ITGAV: variants seen among roughly 807,000 people sequenced by gnomAD.
The protein encoded by ITGAV is integrin alpha-V.
ITGAV carries 76 observed loss-of-function variants against 143.8 expected under a neutral mutation model. That is an observed-to-expected ratio of 0.53 (90% CI 0.44 to 0.64). The LOEUF (loss-of-function observed/expected upper bound fraction) is 0.64. Among genes scored for constraint, ITGAV ranks in the 30% least tolerant of loss-of-function variants. The pLI is 0.00. For missense variants in ITGAV, 1,193 were observed against 1,274.7 expected (o/e 0.94, Z 0.98); for synonymous variants, 453 against 446.7 (o/e 1.01, Z -0.18).
chr2:186,657,377 C>T (rs1248620624), intron 17 of ITGAV, among the ~76,000 whole-genome samples: 1 of 152,090 alleles, frequency 6.6e-6, no homozygotes, highest in Non-Finnish European at 1.5e-5. Context: ...GAAGTCTAAA[C>T]AAATTTCAAA....
chr2:186,642,497 C>T (rs555880114), intron 12 of ITGAV, among the ~76,000 whole-genome samples: 3 of 151,372 alleles, frequency 2.0e-5, no homozygotes, highest in East Asian at 1.9e-4. Flanking sequence ...GAAGATTAAC[C>T]GTAGTCATTT....
At chr2:186,648,526 G>A (rs1203151356) in intron 13 of ITGAV, among the ~76,000 whole-genome samples, 7 of 152,230 alleles carry the variant, frequency 4.6e-5, no homozygotes, top group Admixed American at 2.0e-4. Flanking sequence ...GTGCAGTGGC[G>A]TGATCTCAGC....
At chr2:186,601,216 G>A (rs1390712760) in intron 1 of ITGAV, among the ~76,000 whole-genome samples, 1 of 151,836 alleles carries the variant, frequency 6.6e-6, no homozygotes, top group Non-Finnish European at 1.5e-5. Flanking sequence ...TTAATCTTGT[G>A]ATAAGAAATT....
At chr2:186,613,992 G>C (rs1035963724) in intron 2 of ITGAV, among the ~76,000 whole-genome samples, 8 of 152,048 alleles carry the variant, frequency 5.3e-5, no homozygotes, top group South Asian at 2.1e-4. Context: ...AGAAAGAAGA[G>C]CTTGTGTGAT....
chr2:186,627,872 G>A lies in ITGAV; in HGVS notation c.523+2285G>A, dbSNP rs189486444. Among the ~76,000 whole-genome samples the A allele has an allele frequency of 2.0e-5, 3 of 152,244 alleles. No individual in the cohort carries two copies. In the East Asian group the frequency reaches 5.8e-4, roughly 29 times the overall value. ...CAAAAAACAGAAAAGCAAAGTGCAT[G>A]CCTTTGTTTCTAATAGGCCTGACAC... On this transcript the variant is annotated intron_variant, in intron 4 of 29. Transcript: ENST00000261023.
intron 5 of ITGAV, among the ~76,000 whole-genome samples, chr2:186,631,972 A>G (rs890243221): frequency 6.6e-6 from 1 of 152,208 alleles, no homozygotes. Flanking sequence ...GGCTGCATTG[A>G]GCCATGTTCA....
chr2:186,611,627 T>C (rs755746757), intron 2 of ITGAV, among the ~76,000 whole-genome samples: 9 of 152,208 alleles, frequency 5.9e-5, no homozygotes, highest in Non-Finnish European at 1.2e-4. Flanking sequence ...TTATAAAGAA[T>C]GCAAACTAGA....
chr2:186,655,746 T>A (rs1688564849), intron 16 of ITGAV, among the ~76,000 whole-genome samples: 1 of 152,232 alleles, frequency 6.6e-6, no homozygotes, highest in African/African-American at 2.4e-5. Flanking sequence ...TGAAGGCATA[T>A]TCATCTGACA....
At chr2:186,643,659 T>C (rs2105714608) in intron 12 of ITGAV, among the ~76,000 whole-genome samples, 1 of 152,212 alleles carries the variant, frequency 6.6e-6, no homozygotes, top group Non-Finnish European at 1.5e-5. Flanking sequence ...GTTCCAAAAT[T>C]TTATATAGCC....
At chr2:186,668,563 A>G (rs1688978453) in intron 24 of ITGAV, 199 bp from the exon 25 acceptor site, 3 of 513,264 alleles carry the variant, frequency 5.8e-6, no homozygotes, top group Non-Finnish European at 1.0e-5. Flanking sequence ...ATCCTGACAC[A>G]TATTACTCTG....
At position 186,665,178 on chromosome 2, in the gene ITGAV, T is replaced by C; in HGVS notation, c.2126T>C (p.Val709Ala). Residue 709 changes from valine (V) to alanine (A), a missense_variant, in exon 21 of 30, where the codon GTG (valine) becomes GCG (alanine). By Grantham distance (64) the Val-to-Ala change is moderately conservative (BLOSUM62 0). Transcript: ENST00000261023. ...AAGACAGAAAACCAAACTCGCCAGGTGGTATGTGACCTTGGAAACCCAATG... is the reference window on the plus strand; with the variant it reads ...AAGACAGAAAACCAAACTCGCCAGGCGGTATGTGACCTTGGAAACCCAATG... The part of the protein sequence containing the change: ...AFKTENQTRQ[V>A]VCDLGNPMKA... The C allele has an allele frequency of 6.2e-7, 1 of 1,612,192 alleles. No homozygotes were observed. Among genetic ancestry groups the C allele is most frequent in the Non-Finnish European group, 8.5e-7 (1 of 1,179,522 alleles).
intron 2 of ITGAV, among the ~76,000 whole-genome samples, chr2:186,609,156 C>A (rs1160945345): frequency 1.3e-5 from 2 of 152,078 alleles, no homozygotes; most frequent in African/African-American, 4.8e-5. Context: ...GTGCCTTTTT[C>A]TCCTTTTGAC....
At chr2:186,627,056 A>C (rs1574475814) in intron 4 of ITGAV, among the ~76,000 whole-genome samples, 1 of 152,258 alleles carries the variant, frequency 6.6e-6, no homozygotes, top group East Asian at 1.9e-4. Context: ...GTACACTCTT[A>C]TTTTCATTTG....
chr2:186,677,396 T>C lies in ITGAV; in HGVS notation c.*104T>C, dbSNP rs1689245482. ...GAGTAAAAATCCAAGGCTTTACTGCTGATAGTGCTAATTGGCATTAACCAC... is the reference window on the plus strand; with the variant it reads ...GAGTAAAAATCCAAGGCTTTACTGCCGATAGTGCTAATTGGCATTAACCAC... On this transcript the variant is annotated 3_prime_UTR_variant, in exon 30 of 30. Transcript: ENST00000261023. The C allele has an allele frequency of 2.7e-5, 21 of 791,234 alleles. No individual in the cohort carries two copies. In the South Asian group the frequency reaches 3.2e-4, roughly 12 times the overall value. The allele number at this position is 791,234 out of a possible 1,614,324, so 49.0% of individuals were successfully genotyped here.
chr2:186,668,185 CATATATATATAT>C (rs1225346630), intron 24 of ITGAV, among the ~76,000 whole-genome samples: 745 of 19,050 alleles, frequency 0.039, 35 homozygotes, highest in Middle Eastern at 0.11. Flanking sequence ...TACATACATA[CATATATATATAT>C]ATATATATAT....
Position 186,678,483 on chromosome 2 carries a change from T to C in ITGAV, c.*1191T>C, listed in dbSNP as rs1418501455. 8.6e-6 allele frequency: 2 copies of C among 233,532 alleles called. No homozygotes were observed. The highest frequency in any genetic ancestry group is 4.7e-5 in the African/African-American group (2 of 42,942). 14.5% of individuals were successfully genotyped at this position (233,532 alleles called of 1,614,324 possible). ...ACCTCTGTTTAAGCAAGGTAATGTG[T>C]AAAATCAGTCTCGGCTGTCAGAATA... On this transcript the variant is annotated 3_prime_UTR_variant, in exon 30 of 30. Coordinates refer to ENST00000261023, the MANE Select transcript of ITGAV (RefSeq NM_002210.5).
At chr2:186,592,746 A>G (rs529674763) in intron 1 of ITGAV, among the ~76,000 whole-genome samples, 1 of 152,296 alleles carries the variant, frequency 6.6e-6, no homozygotes, top group East Asian at 1.9e-4. Context: ...ATAAAGTAAA[A>G]TTGAACTTGG....
intron 26 of ITGAV, among the ~76,000 whole-genome samples, chr2:186,674,176 A>G (rs372312645): frequency 2.0e-5 from 3 of 152,050 alleles, no homozygotes; most frequent in Non-Finnish European, 4.4e-5. Context: ...GAATCTCACT[A>G]CGTTGCCTAG....
intron 10 of ITGAV, among the ~76,000 whole-genome samples, chr2:186,638,937 A>G (rs1176511459): frequency 6.7e-6 from 1 of 149,170 alleles, no homozygotes; most frequent in Non-Finnish European, 1.5e-5. Context: ...TCACATGCAT[A>G]CAAAACCACA....
Sources: gnomAD v4.1 joint callset for allele counts (sites outside exome capture counted in the v4.1 genomes callset) on GRCh38, gnomAD v4.1.1 for gene constraint, MANE v1.5 for transcripts, NCBI Gene and HGNC (gene_info 2026-07-23, HGNC 2026-07-21) for gene names.